The following COL5A2 variants were observed in gnomAD, a reference collection of about 807,000 sequenced individuals.
COL5A2 encodes collagen alpha-2(V) chain.
Under a neutral mutation model 208.2 loss-of-function variants are expected in COL5A2, and 23 were observed. That is an observed-to-expected ratio of 0.11 (90% CI 0.08 to 0.16). The LOEUF (loss-of-function observed/expected upper bound fraction) is 0.16. Among genes scored for constraint, COL5A2 ranks in the 10% least tolerant of loss-of-function variants. COL5A2 has a pLI of 1.00. For synonymous variants in COL5A2, 625 were observed against 628.5 expected, an observed-to-expected ratio of 0.99 and a Z score of 0.08; for missense variants, 1,590 against 1,956.4, an observed-to-expected ratio of 0.81 and a Z score of 3.53.
intron 45 of COL5A2, among the ~76,000 whole-genome samples, chr2:189,046,347 T>G (rs528257419): frequency 6.6e-6 from 1 of 152,192 alleles, no homozygotes. Context: ...AAACTATATT[T>G]TGATTATCCT....
At chr2:189,361,519 T>C in the COL5A2 span, among the ~76,000 whole-genome samples, 2 of 147,206 alleles carry the variant, frequency 1.4e-5, no homozygotes, top group African/African-American at 2.5e-5. Context: ...GAAGTGATCT[T>C]GTAGACAGCA....
the COL5A2 span, among the ~76,000 whole-genome samples, chr2:189,352,431 A>G: frequency 1.3e-5 from 2 of 152,222 alleles, no homozygotes; most frequent in Non-Finnish European, 2.9e-5. Context: ...GTGTAAAATC[A>G]TACCAATTTC....
chr2:189,092,991 T>A (rs1432327223), intron 6 of COL5A2, among the ~76,000 whole-genome samples: 1 of 152,210 alleles, frequency 6.6e-6, no homozygotes, highest in Non-Finnish European at 1.5e-5. Flanking sequence ...TCAGTCCTCT[T>A]TAATACTTTA....
intron 43 of COL5A2, 121 bp from the exon 44 acceptor site, chr2:189,049,575 T>C (rs1576493228): frequency 1.3e-6 from 1 of 754,574 alleles, no homozygotes; most frequent in Non-Finnish European, 2.3e-6. Flanking sequence ...TTTTGCATTA[T>C]CTTACAACAC....
the COL5A2 span, among the ~76,000 whole-genome samples, chr2:189,256,644 C>T: frequency 1.3e-4 from 20 of 151,986 alleles, no homozygotes; most frequent in Non-Finnish European, 5.9e-5. Flanking sequence ...AAAAGATTGT[C>T]CTCATATTTT....
chr2:189,405,313 C>A, the COL5A2 span, among the ~76,000 whole-genome samples: 2 of 151,846 alleles, frequency 1.3e-5, no homozygotes, highest in African/African-American at 2.4e-5. Flanking sequence ...CTCACTGCAA[C>A]CTCCGCCTCC....
chr2:189,297,313 G>T, the COL5A2 span, among the ~76,000 whole-genome samples: 1 of 151,852 alleles, frequency 6.6e-6, no homozygotes. Context: ...CAGTCTTATG[G>T]CTACATTAAA....
At chr2:189,430,518 CA>C in the COL5A2 span, among the ~76,000 whole-genome samples, 2 of 152,204 alleles carry the variant, frequency 1.3e-5, no homozygotes, top group African/African-American at 4.8e-5. Context: ...AAGGTCTTAG[CA>C]ACTGTCAGAC....
At chr2:189,306,890 C>G in the COL5A2 span, among the ~76,000 whole-genome samples, 1 of 152,096 alleles carries the variant, frequency 6.6e-6, no homozygotes, top group Admixed American at 6.5e-5. Flanking sequence ...ATGAACAGTG[C>G]GTTAAACATT....
intron 29 of COL5A2, among the ~76,000 whole-genome samples, chr2:189,062,226 C>A (rs979027362): frequency 6.7e-6 from 1 of 150,222 alleles, no homozygotes; most frequent in African/African-American, 2.5e-5. Flanking sequence ...CTCTGCCACC[C>A]AGGCTGGAGT....
At chr2:189,404,191 T>C in the COL5A2 span, among the ~76,000 whole-genome samples, 16 of 152,224 alleles carry the variant, frequency 1.1e-4, no homozygotes, top group Non-Finnish European at 1.9e-4. Flanking sequence ...AAAATATTAT[T>C]TCTGAGTATG....
chr2:189,429,893 G>A, the COL5A2 span, among the ~76,000 whole-genome samples: 1 of 152,194 alleles, frequency 6.6e-6, no homozygotes, highest in Non-Finnish European at 1.5e-5. Flanking sequence ...CTGTAACATC[G>A]TTGACATTCT....
chr2:189,288,309 T>G, the COL5A2 span, among the ~76,000 whole-genome samples: 88,029 of 151,978 alleles, frequency 0.58, 26,894 homozygotes, highest in East Asian at 0.72. Context: ...GTTTTTTCTA[T>G]CTACTTGTGT....
rs892900844 is a variant in COL5A2, at chr2:189,052,289, T to C, written c.2716-64A>G. 19 of 1,505,472 alleles carry C rather than the reference T, an allele frequency of 1.3e-5. No homozygotes were observed. In the Middle Eastern group the frequency reaches 7.0e-4, roughly 56 times the overall value. 93.3% of individuals were successfully genotyped at this position (1,505,472 alleles called of 1,614,324 possible). A position where few individuals can be genotyped will look rare whatever the true frequency, so the allele number is the denominator to read the frequency against. On this transcript the variant is annotated intron_variant, in intron 40 of 53. Transcript: ENST00000374866. ...TATAAATTAGTTACATGTATTTTCC[T>C]GGGATTTTTTTTCACAGGAAGACTG...
At chr2:189,298,508 A>T in the COL5A2 span, among the ~76,000 whole-genome samples, 4 of 152,144 alleles carry the variant, frequency 2.6e-5, no homozygotes, top group African/African-American at 9.7e-5. Flanking sequence ...AAGTCTGCTT[A>T]CCTTCTATGA....
At chr2:189,268,736 G>A in the COL5A2 span, among the ~76,000 whole-genome samples, 9 of 152,082 alleles carry the variant, frequency 5.9e-5, no homozygotes, top group East Asian at 1.7e-3. Flanking sequence ...GCCACTATTA[G>A]TGTCTATTTT....
At chr2:189,423,522 T>A in the COL5A2 span, among the ~76,000 whole-genome samples, 83,854 of 151,510 alleles carry the variant, frequency 0.55, 25,452 homozygotes, top group East Asian at 0.69. Flanking sequence ...AAAATAAAAT[T>A]AGAAATGAAA....
chr2:189,050,375 T>C (rs1445300487), intron 43 of COL5A2, among the ~76,000 whole-genome samples, 194 bp downstream of exon 43: 2 of 152,328 alleles, frequency 1.3e-5, no homozygotes, highest in Admixed American at 6.5e-5. Flanking sequence ...GTTAAACAAA[T>C]ATATATTTTC....
At chr2:189,110,118 AG>A in intron 2 of COL5A2, 106 bp downstream of exon 2, 1 of 877,646 alleles carries the variant, frequency 1.1e-6, no homozygotes, top group Non-Finnish European at 1.9e-6. Flanking sequence ...CCACCAAAAA[AG>A]CTGCTTAATT....
Sources: allele counts gnomAD v4.1 joint callset (sites outside exome capture counted in the v4.1 genomes callset), GRCh38; gene constraint gnomAD v4.1.1; transcripts MANE v1.5; gene names NCBI Gene and HGNC (gene_info 2026-07-23, HGNC 2026-07-21).